The following TSHZ1 variants were observed in gnomAD, a reference collection of about 807,000 sequenced individuals.
TSHZ1 encodes the protein teashirt homolog 1.
In TSHZ1, 12 loss-of-function variants were observed where a neutral mutation model predicts 67.1. That is an observed-to-expected ratio of 0.18 (90% CI 0.11 to 0.29). The LOEUF (loss-of-function observed/expected upper bound fraction) is 0.29, where lower values mean the gene tolerates loss of function less well. Among genes scored for constraint, TSHZ1 ranks in the 10% least tolerant of loss-of-function variants. The pLI, the probability that TSHZ1 is intolerant of heterozygous loss-of-function variation, is 1.00. For missense variants in TSHZ1, 1,305 were observed against 1,413.9 expected (o/e 0.92, Z 1.23); for synonymous variants, 632 against 622.4 (o/e 1.02, Z -0.23).
At position 75,244,571 on chromosome 18, in the gene TSHZ1, A is replaced by C. The variant is rs1015393805; in HGVS notation, c.40+32655A>C. On this transcript the variant is annotated intron_variant, in intron 1 of 1. Coordinates refer to ENST00000580243, the MANE Select transcript of TSHZ1 (RefSeq NM_001308210.2). Reference sequence around the variant, plus strand: ...CTGGTTACAGAGCCTGCCTTCTGGCAGGTAGACCAGGCCGGCTTTCTCCAG... The same window carrying C: ...CTGGTTACAGAGCCTGCCTTCTGGCCGGTAGACCAGGCCGGCTTTCTCCAG... The C allele has an allele frequency of 2.0e-5, 3 of 152,350 alleles. No homozygotes were observed. In the East Asian group the frequency reaches 5.8e-4, roughly 29 times the overall value. 9.4% of individuals were successfully genotyped at this position (152,350 alleles called of 1,614,324 possible).
intron 1 of TSHZ1, among the ~76,000 whole-genome samples, chr18:75,224,639 C>T (rs1479875860): frequency 2.6e-5 from 4 of 152,058 alleles, no homozygotes; most frequent in Admixed American, 6.5e-5. Context: ...CTGGCTTTAT[C>T]GGCTATTTTA....
chr18:75,258,022 G>A (rs902718148), intron 1 of TSHZ1, among the ~76,000 whole-genome samples: 1 of 152,180 alleles, frequency 6.6e-6, no homozygotes, highest in East Asian at 1.9e-4. Flanking sequence ...CCCGGCCTGT[G>A]GAGCAGTGCT....
chr18:75,252,620 G>A (rs2023318213), intron 1 of TSHZ1, among the ~76,000 whole-genome samples: 1 of 152,088 alleles, frequency 6.6e-6, no homozygotes, highest in Non-Finnish European at 1.5e-5. Context: ...GGTATATGGT[G>A]TGGGAAGGGC....
At chr18:75,279,307 CAT>C (rs1473594072) in intron 1 of TSHZ1, among the ~76,000 whole-genome samples, 1 of 152,084 alleles carries the variant, frequency 6.6e-6, no homozygotes, top group Non-Finnish European at 1.5e-5. Context: ...GCTAAAAGAA[CAT>C]AGTAGAATAG....
Position 75,288,772 on chromosome 18 carries a change from A to G in TSHZ1, c.*131A>G. The G allele has an allele frequency of 4.2e-6, 6 of 1,421,216 alleles. No homozygotes were observed. In the South Asian group the frequency reaches 4.7e-5, roughly 11 times the overall value. The allele number at this position is 1,421,216 out of a possible 1,614,324, so 88.0% of individuals were successfully genotyped here. A position where few individuals can be genotyped will look rare whatever the true frequency, so the allele number is the denominator to read the frequency against. On this transcript the variant is annotated 3_prime_UTR_variant, in exon 2 of 2. Coordinates refer to ENST00000580243, the MANE Select transcript of TSHZ1 (RefSeq NM_001308210.2). The surrounding 1 kb of genome is among the most constrained non-coding windows in gnomAD (Gnocchi z 4.9). ...CCTCTCTGGACCTTGGTTTTCTTACACATATTTTGTATATTTATATGCTCT... is the reference window on the plus strand; with the variant it reads ...CCTCTCTGGACCTTGGTTTTCTTACGCATATTTTGTATATTTATATGCTCT...
intron 1 of TSHZ1, among the ~76,000 whole-genome samples, chr18:75,273,141 T>G (rs903460292): frequency 2.2e-4 from 33 of 152,226 alleles, no homozygotes; most frequent in African/African-American, 8.0e-4. Flanking sequence ...CAGGGAAGCC[T>G]TTCTTCTATT....
At chr18:75,229,702 G>C (rs1029914869) in intron 1 of TSHZ1, among the ~76,000 whole-genome samples, 1 of 152,248 alleles carries the variant, frequency 6.6e-6, no homozygotes, top group Non-Finnish European at 1.5e-5. Context: ...GATAGTAGGT[G>C]AAAGAAGAAA....
intron 1 of TSHZ1, among the ~76,000 whole-genome samples, chr18:75,243,354 C>T (rs1025379351): frequency 1.3e-5 from 2 of 152,202 alleles, no homozygotes; most frequent in South Asian, 2.1e-4. Flanking sequence ...CAATGATGAG[C>T]GGGACGGATC....
chr18:75,216,659 A>G (rs1205244795), intron 1 of TSHZ1, among the ~76,000 whole-genome samples: 1 of 152,224 alleles, frequency 6.6e-6, no homozygotes, highest in African/African-American at 2.4e-5. Context: ...TGGTCGTTGG[A>G]TGGCTGCATA....
intron 1 of TSHZ1, among the ~76,000 whole-genome samples, chr18:75,246,138 T>C (rs1177132888): frequency 6.6e-6 from 1 of 152,198 alleles, no homozygotes; most frequent in Admixed American, 6.5e-5. Context: ...AAGCCAACAT[T>C]TTGAAAAGAA....
intron 1 of TSHZ1, among the ~76,000 whole-genome samples, chr18:75,280,154 A>G (rs1361238381): frequency 6.6e-6 from 1 of 152,230 alleles, no homozygotes; most frequent in Non-Finnish European, 1.5e-5. Flanking sequence ...AGGATACTGC[A>G]TCCTGGGAAT....
chr18:75,219,659 G>T (rs1167443612), intron 1 of TSHZ1, among the ~76,000 whole-genome samples: 1 of 152,082 alleles, frequency 6.6e-6, no homozygotes, highest in Non-Finnish European at 1.5e-5. Context: ...GACTTTTTGG[G>T]GGAAAAACCC....
At chr18:75,219,773 A>G (rs941658439) in intron 1 of TSHZ1, among the ~76,000 whole-genome samples, 6 of 152,216 alleles carry the variant, frequency 3.9e-5, no homozygotes, top group Non-Finnish European at 1.5e-5. Flanking sequence ...AAAATAAATG[A>G]GGGTCATTCT....
At chr18:75,283,914 C>T (rs1463632802) in intron 1 of TSHZ1, 1 of 152,164 alleles carries the variant, frequency 6.6e-6, no homozygotes, top group Non-Finnish European at 1.5e-5. Flanking sequence ...CGTCTGTGCT[C>T]CTTGTCGTGT....
chr18:75,215,325 T>C (rs1263679001), intron 1 of TSHZ1, among the ~76,000 whole-genome samples: 1 of 152,210 alleles, frequency 6.6e-6, no homozygotes, highest in East Asian at 1.9e-4. Context: ...TGTAAATATG[T>C]GGACTAGGGC....
chr18:75,254,996 A>G (rs1334609937), intron 1 of TSHZ1, among the ~76,000 whole-genome samples: 1 of 152,248 alleles, frequency 6.6e-6, no homozygotes, highest in Non-Finnish European at 1.5e-5. Context: ...TATACTTTCA[A>G]TAATTGATAG....
chr18:75,216,104 A>T (rs1248886226), intron 1 of TSHZ1, among the ~76,000 whole-genome samples: 1 of 152,178 alleles, frequency 6.6e-6, no homozygotes, highest in Admixed American at 6.5e-5. Flanking sequence ...TAATTTTGTT[A>T]ATTATTATTT....
chr18:75,222,737 T>A (rs79026389), intron 1 of TSHZ1, among the ~76,000 whole-genome samples: 13,818 of 152,184 alleles, frequency 0.091, 800 homozygotes, highest in Non-Finnish European at 0.12. Flanking sequence ...CACCCCCCTA[T>A]TTTTTGTGGA....
At position 75,287,937 on chromosome 18, in the gene TSHZ1, G is replaced by C. The variant is rs1451659489; in HGVS notation, c.2530G>C (p.Val844Leu). Residue 844 changes from valine to leucine, a missense_variant, in exon 2 of 2, where the codon GTG becomes CTG. This residue lies in a region of TSHZ1 where 909 missense variants were observed against 961.8 expected (regional missense o/e 0.95). Transcript: ENST00000580243. The surrounding 1 kb of genome is among the most constrained non-coding windows in gnomAD (Gnocchi z 5.0). ...CGCACTCATGGACATCTCCGACATG[G>C]TGAAAAACCTCACAGGCCGCCTGAC... is the stretch of plus-strand genomic sequence containing the variant. ...ESALMDISDMVKNLTGRLTPK... is the reference protein window; with the variant it reads ...ESALMDISDMLKNLTGRLTPK... 2 of 1,614,234 alleles carry C rather than the reference G, an allele frequency of 1.2e-6. No homozygotes were observed. The highest frequency in any genetic ancestry group is 1.7e-6 in the Non-Finnish European group (2 of 1,180,054).
Sources: allele counts gnomAD v4.1 joint callset (sites outside exome capture counted in the v4.1 genomes callset), GRCh38; gene constraint gnomAD v4.1.1; regional missense constraint gnomAD v4.1.1; non-coding constraint Gnocchi (gnomAD v3.1); transcripts MANE v1.5; gene names NCBI Gene and HGNC (gene_info 2026-07-23, HGNC 2026-07-21).